The following AIM2 variants were observed in gnomAD, a reference collection of about 807,000 sequenced individuals.
The protein encoded by AIM2 is interferon-inducible protein AIM2.
Under a neutral mutation model 27.7 loss-of-function variants are expected in AIM2, and 30 were observed. The observed-to-expected ratio is 1.08, with a 90% CI of 0.81 to 1.47. The LOEUF (loss-of-function observed/expected upper bound fraction) is 1.47, where lower values mean the gene tolerates loss of function less well. AIM2 is among the 40% of genes most tolerant of loss of function. The probability of loss-of-function intolerance (pLI) is 0.00; values close to 1 mark genes in which losing one functional copy is unlikely to be tolerated. For missense variants in AIM2, 358 were observed against 411.3 expected (o/e 0.87, Z 1.12); for synonymous variants, 141 against 145.3 (o/e 0.97, Z 0.21).
At chr1:159,103,739 T>C (rs1657362849) in intron 1 of AIM2, among the ~76,000 whole-genome samples, 1 of 152,214 alleles carries the variant, frequency 6.6e-6, no homozygotes, top group African/African-American at 2.4e-5. Flanking sequence ...ACCTCTCCTT[T>C]CTTCTCACTT....
chr1:159,104,238 G>A (rs1397258183), intron 1 of AIM2, among the ~76,000 whole-genome samples: 1 of 152,084 alleles, frequency 6.6e-6, no homozygotes, highest in East Asian at 1.9e-4. Flanking sequence ...GGTGACAAGA[G>A]GGCTTCTCCC....
At chr1:159,057,707 G>T (rs1158189948), downstream of AIM2, among the ~76,000 whole-genome samples, 3 of 152,152 alleles carry the variant, frequency 2.0e-5, no homozygotes, top group African/African-American at 7.2e-5. Flanking sequence ...AGTGAGTTTA[G>T]AATTTAATGG....
At chr1:159,093,040 A>AATAAAT (rs1553217592) in intron 1 of AIM2, among the ~76,000 whole-genome samples, 6 of 147,200 alleles carry the variant, frequency 4.1e-5, no homozygotes, top group African/African-American at 5.0e-5. Context: ...TAAATAAATA[A>AATAAAT]AAATAAATAA....
At chr1:159,113,819 G>T (rs1481410468) in intron 1 of AIM2, among the ~76,000 whole-genome samples, 2 of 152,176 alleles carry the variant, frequency 1.3e-5, no homozygotes, top group East Asian at 3.8e-4. Flanking sequence ...GTTCTTTATT[G>T]AATAGTGGTG....
In AIM2 at chr1:159,068,684, A is replaced by G. The variant is rs754774841; in HGVS notation, c.280T>C (p.Ser94Pro). 1.9e-6 allele frequency: 3 copies of G among 1,613,852 alleles called. No individual in the cohort carries two copies. In the South Asian group the frequency reaches 3.3e-5, roughly 18 times the overall value. ...CTTAGTGGCTTTGGTTTTGTTACCG[A>G]TTTGTATTGCTTATCAACTGATTAA... ...EKEKVDKQYKSVTKPKPLSQA... is the reference protein window; with the variant it reads ...EKEKVDKQYKPVTKPKPLSQA... Residue 94 changes from serine to proline, a missense_variant, in exon 3 of 6, where the codon TCG becomes CCG. Physicochemically the swap from Ser to Pro is moderately conservative, Grantham distance 74. Coordinates refer to ENST00000368130, the MANE Select transcript of AIM2 (RefSeq NM_004833.3).
downstream of AIM2, among the ~76,000 whole-genome samples, chr1:159,059,120 T>A (rs1490666430): frequency 6.6e-6 from 1 of 152,234 alleles, no homozygotes; most frequent in Non-Finnish European, 1.5e-5. Flanking sequence ...ACCATTGTGG[T>A]CTGCCGTCAA....
chr1:159,072,412 C>T (rs542908489), intron 2 of AIM2, among the ~76,000 whole-genome samples: 11 of 152,320 alleles, frequency 7.2e-5, no homozygotes, highest in Admixed American at 2.0e-4. Context: ...ATTTTTGCTG[C>T]TACTGTTGTA....
downstream of AIM2, among the ~76,000 whole-genome samples, chr1:159,059,342 T>C (rs1655758092): frequency 6.6e-6 from 1 of 152,100 alleles, no homozygotes; most frequent in African/African-American, 2.4e-5. Flanking sequence ...ATTTTGCTCA[T>C]TTTGGGAAAC....
intron 1 of AIM2, among the ~76,000 whole-genome samples, chr1:159,090,775 G>A (rs1400738789): frequency 1.3e-5 from 2 of 152,154 alleles, no homozygotes; most frequent in Non-Finnish European, 2.9e-5. Context: ...ACATGTGTAA[G>A]GCATGTTTTG....
At chr1:159,141,104 T>C (rs546376192), upstream of AIM2, among the ~76,000 whole-genome samples, 1 of 152,202 alleles carries the variant, frequency 6.6e-6, no homozygotes, top group Non-Finnish European at 1.5e-5. Flanking sequence ...AATGAAAAAG[T>C]GTAGCTGACA....
chr1:159,104,668 C>T (rs182367993), intron 1 of AIM2, among the ~76,000 whole-genome samples: 2 of 152,258 alleles, frequency 1.3e-5, no homozygotes, highest in East Asian at 3.9e-4. Context: ...TGGGTTTAAT[C>T]AGATATATTA....
intron 1 of AIM2, among the ~76,000 whole-genome samples, chr1:159,116,238 C>T (rs1314221129): frequency 1.3e-5 from 2 of 152,084 alleles, no homozygotes; most frequent in Non-Finnish European, 2.9e-5. Context: ...GTTGGTGGGA[C>T]TGTAAACTAG....
chr1:159,072,825 G>A (rs1358593904), intron 2 of AIM2, among the ~76,000 whole-genome samples: 2 of 152,166 alleles, frequency 1.3e-5, no homozygotes, highest in Non-Finnish European at 2.9e-5. Context: ...CAATATCCTG[G>A]TTTACAGTTT....
At chr1:159,112,495 C>G (rs116183786) in intron 1 of AIM2, among the ~76,000 whole-genome samples, 3,311 of 152,250 alleles carry the variant, frequency 0.022, 58 homozygotes, top group Non-Finnish European at 0.034. Context: ...GACTACAACA[C>G]TCTTATTTCA....
intron 2 of AIM2, among the ~76,000 whole-genome samples, chr1:159,071,336 A>C (rs1656355129): frequency 6.6e-6 from 1 of 152,242 alleles, no homozygotes; most frequent in African/African-American, 2.4e-5. Flanking sequence ...TGACAGATTA[A>C]CTGTTCAAAA....
intron 5 of AIM2, among the ~76,000 whole-genome samples, chr1:159,063,121 C>T (rs990204473): frequency 6.6e-6 from 1 of 152,222 alleles, no homozygotes; most frequent in South Asian, 2.1e-4. Context: ...GTGGGACTGG[C>T]TAGGGAAATG....
intron 1 of AIM2, among the ~76,000 whole-genome samples, chr1:159,103,381 C>CT (rs11464359): frequency 0.81 from 121,820 of 149,640 alleles, 52,140 homozygotes; most frequent in South Asian, 0.96. Context: ...ACAATTCCCA[C>CT]TTTTTTTTTT....
At chr1:159,106,967 CT>C (rs1557906722) in intron 1 of AIM2, among the ~76,000 whole-genome samples, 1 of 152,220 alleles carries the variant, frequency 6.6e-6, no homozygotes, top group African/African-American at 2.4e-5. Flanking sequence ...AGAACCATTA[CT>C]GCAGGACTAG....
intron 1 of AIM2, among the ~76,000 whole-genome samples, chr1:159,137,968 C>A (rs1354029992): frequency 2.0e-5 from 3 of 152,092 alleles, no homozygotes; most frequent in Admixed American, 6.5e-5. Context: ...CATATAGGTG[C>A]AAGGGTGCTG....
Sources: allele counts gnomAD v4.1 joint callset (sites outside exome capture counted in the v4.1 genomes callset), GRCh38; gene constraint gnomAD v4.1.1; transcripts MANE v1.5; gene names NCBI Gene and HGNC (gene_info 2026-07-23, HGNC 2026-07-21).